Variants in AMOTL1 observed in about 807,000 individuals in gnomAD.
AMOTL1 encodes the protein angiomotin like 1, also known as angiomotin-like protein 1.
Under a neutral mutation model 102.9 loss-of-function variants are expected in AMOTL1, and 45 were observed. That is an observed-to-expected ratio of 0.44 (90% CI 0.34 to 0.56). The LOEUF is 0.56. AMOTL1 is among the 20% of genes least tolerant of loss of function. The pLI, the probability that AMOTL1 is intolerant of heterozygous loss-of-function variation, is 0.01. For missense variants in AMOTL1, 1,114 were observed against 1,225.6 expected (o/e 0.91, Z 1.36); for synonymous variants, 481 against 484.7 (o/e 0.99, Z 0.10).
intron 9 of AMOTL1, 39 bp downstream of exon 9, chr11:94,859,754 T>C (rs775747273): frequency 6.5e-7 from 1 of 1,535,764 alleles, no homozygotes; most frequent in South Asian, 1.2e-5. Flanking sequence ...AAAAGCACAG[T>C]TAAAAAAATC....
intron 1 of AMOTL1, among the ~76,000 whole-genome samples, chr11:94,794,518 G>A (rs1951332691): frequency 6.6e-6 from 1 of 152,154 alleles, no homozygotes; most frequent in South Asian, 2.1e-4. Flanking sequence ...CTTTGAGTGG[G>A]GCAGAGAGCA....
At chr11:94,757,600 A>C (rs1950741991) in intron 3 of AMOTL1, among the ~76,000 whole-genome samples, 1 of 152,176 alleles carries the variant, frequency 6.6e-6, no homozygotes, top group African/African-American at 2.4e-5. Flanking sequence ...AAGAAAAGGG[A>C]ACAGCTTAGT....
At chr11:94,784,522 T>C (rs1951154672) in intron 1 of AMOTL1, among the ~76,000 whole-genome samples, 2 of 152,228 alleles carry the variant, frequency 1.3e-5, no homozygotes, top group Non-Finnish European at 2.9e-5. Flanking sequence ...TCTGAATTTA[T>C]TGAAAAGTAA....
intron 4 of AMOTL1, among the ~76,000 whole-genome samples, chr11:94,823,346 C>A (rs934596525): frequency 6.6e-6 from 1 of 152,140 alleles, no homozygotes; most frequent in African/African-American, 2.4e-5. Context: ...CAGACAGGGG[C>A]CGCCTAAAGA....
intron 2 of AMOTL1, among the ~76,000 whole-genome samples, chr11:94,732,795 T>C (rs1375253528): frequency 6.6e-6 from 1 of 152,168 alleles, no homozygotes; most frequent in Non-Finnish European, 1.5e-5. Flanking sequence ...CTTAAGCTCC[T>C]CTTTAGGGGA....
At chr11:94,746,084 G>A (rs1950586558) in intron 3 of AMOTL1, among the ~76,000 whole-genome samples, 1 of 152,138 alleles carries the variant, frequency 6.6e-6, no homozygotes, top group Non-Finnish European at 1.5e-5. Flanking sequence ...GCTCCTTGGG[G>A]GATTGATTCT....
chr11:94,729,882 A>G (rs1950319287), intron 2 of AMOTL1, among the ~76,000 whole-genome samples: 1 of 152,204 alleles, frequency 6.6e-6, no homozygotes, highest in South Asian at 2.1e-4. Context: ...AGAACAACAG[A>G]CTATACTCTC....
chr11:94,706,630 T>G (rs971027473), intron 1 of AMOTL1: 3 of 152,246 alleles, frequency 2.0e-5, no homozygotes, highest in Admixed American at 2.0e-4. Context: ...GGTTTCACTC[T>G]AGGGAACCTT....
At chr11:94,771,050 T>C (rs962840617) in intron 1 of AMOTL1, among the ~76,000 whole-genome samples, 1 of 152,168 alleles carries the variant, frequency 6.6e-6, no homozygotes, top group Admixed American at 6.5e-5. Context: ...CATAGTAATT[T>C]GTGAAAATGC....
At position 94,869,413 on chromosome 11, in the gene AMOTL1, A is replaced by G. The variant is rs781723305; in HGVS notation, c.2704A>G (p.Thr902Ala). The part of the protein sequence containing the change: ...SLPSRGRLST[T>A]PAHSPVLKHP... ...TCCCAGCCGCGGCCGGCTGAGCACG[A>G]CCCCTGCTCACAGCCCCGTCCTGAA... The change falls in exon 12 of 13, where the codon ACC becomes GCC. Residue 902 changes from threonine to alanine, a missense_variant. Thr to Ala is a moderately conservative substitution (Grantham distance 58, BLOSUM62 0). Transcript: ENST00000433060. 6.2e-7 allele frequency: 1 copy of G among 1,604,766 alleles called. No individual in the cohort carries two copies. Among genetic ancestry groups the G allele is most frequent in the East Asian group, 2.3e-5 (1 of 44,336 alleles).
chr11:94,789,122 T>C (rs1245212202), intron 1 of AMOTL1, among the ~76,000 whole-genome samples: 1 of 152,040 alleles, frequency 6.6e-6, no homozygotes, highest in Non-Finnish European at 1.5e-5. Flanking sequence ...GTGCTTTTAG[T>C]TTAGTGGTGG....
At chr11:94,725,628 A>G (rs1303812402) in intron 1 of AMOTL1, among the ~76,000 whole-genome samples, 1 of 152,106 alleles carries the variant, frequency 6.6e-6, no homozygotes. Flanking sequence ...AAGCACAGGG[A>G]GCCTGTGGGA....
intron 3 of AMOTL1, among the ~76,000 whole-genome samples, chr11:94,815,013 A>G (rs1444013422): frequency 6.6e-6 from 1 of 152,206 alleles, no homozygotes; most frequent in Non-Finnish European, 1.5e-5. Flanking sequence ...ACTTTTTACA[A>G]TCCAGCCACC....
Position 94,821,558 on chromosome 11 carries a change from A to G in AMOTL1, c.1150A>G (p.Thr384Ala), listed in dbSNP as rs760207446. 10 of 1,613,560 alleles carry G rather than the reference A, an allele frequency of 6.2e-6. No individual in the cohort carries two copies. The South Asian group carries it at 6.6e-5, about 11-fold the overall frequency. Reference protein sequence around the residue: ...SRPCQLPFPSTMQQHSPMSSQ... With the variant: ...SRPCQLPFPSAMQQHSPMSSQ... Reference sequence around the variant, plus strand: ...CCCATGCCAACTTCCGTTCCCATCAACCATGCAGCAGCACAGCCCCATGTC... The same window carrying G: ...CCCATGCCAACTTCCGTTCCCATCAGCCATGCAGCAGCACAGCCCCATGTC... The change falls in exon 4 of 13, where the codon ACC (threonine) becomes GCC (alanine). Residue 384 changes from threonine (T) to alanine (A), a missense_variant. Thr to Ala is a moderately conservative substitution (Grantham distance 58). Transcript: ENST00000433060.
intron 9 of AMOTL1, among the ~76,000 whole-genome samples, chr11:94,862,056 C>T (rs1952785367): frequency 6.6e-6 from 1 of 152,304 alleles, no homozygotes; most frequent in Non-Finnish European, 1.5e-5. Flanking sequence ...CACTGTTCCC[C>T]TTCTCTGCCT....
At chr11:94,731,747 A>G (rs1187684845) in intron 2 of AMOTL1, among the ~76,000 whole-genome samples, 1 of 152,146 alleles carries the variant, frequency 6.6e-6, no homozygotes, top group Non-Finnish European at 1.5e-5. Flanking sequence ...TCAGCTCACA[A>G]ATGGCAGAGC....
At chr11:94,753,370 T>G (rs562616712) in intron 3 of AMOTL1, among the ~76,000 whole-genome samples, 2 of 151,628 alleles carry the variant, frequency 1.3e-5, no homozygotes, top group African/African-American at 4.8e-5. Flanking sequence ...TATGGCTTCT[T>G]ACCCTGAAGT....
Position 94,800,184 on chromosome 11 carries a change from C to G in AMOTL1, c.994C>G (p.Leu332Val). ...SPVSKTQEHGLFYGDQHPGML... is the reference protein window; with the variant it reads ...SPVSKTQEHGVFYGDQHPGML... Reference sequence around the variant, plus strand: ...AGTCAGCAAGACCCAGGAGCACGGACTTTTTTATGGTGACCAGCACCCCGG... The same window carrying G: ...AGTCAGCAAGACCCAGGAGCACGGAGTTTTTTATGGTGACCAGCACCCCGG... Residue 332 changes from leucine (L) to valine (V), a missense_variant, in exon 3 of 13, where the codon CTT becomes GTT. Coordinates refer to ENST00000433060, the MANE Select transcript of AMOTL1 (RefSeq NM_130847.3). The G allele has an allele frequency of 6.2e-7, 1 of 1,613,940 alleles. No individual in the cohort carries two copies. Among genetic ancestry groups the G allele is most frequent in the Non-Finnish European group, 8.5e-7 (1 of 1,179,878 alleles).
intron 2 of AMOTL1, chr11:94,729,104 G>C (rs950494589): frequency 1.6e-6 from 2 of 1,231,478 alleles, no homozygotes; most frequent in Non-Finnish European, 1.1e-6. Flanking sequence ...TTCAGCTTCT[G>C]CACCTCATTA....
Sources: allele counts gnomAD v4.1 joint callset (sites outside exome capture counted in the v4.1 genomes callset), GRCh38; gene constraint gnomAD v4.1.1; transcripts MANE v1.5; gene names NCBI Gene and HGNC (gene_info 2026-07-23, HGNC 2026-07-21).